The following WDR37 variants were observed in gnomAD, a reference collection of about 807,000 sequenced individuals.
WDR37 encodes WD repeat-containing protein 37.
A neutral mutation model predicts 62.9 loss-of-function variants in WDR37; 19 were observed. The ratio of observed to expected loss-of-function variants is 0.30; its 90% CI spans 0.21 to 0.44. The LOEUF is 0.44. WDR37 is among the 20% of genes least tolerant of loss of function. WDR37 has a pLI of 1.00. For synonymous variants in WDR37, 250 were observed against 260.9 expected (o/e 0.96, Z 0.40); for missense variants, 474 against 657.6 (o/e 0.72, Z 3.05).
At chr10:1,089,179 C>G (rs1834300049) in intron 7 of WDR37, among the ~76,000 whole-genome samples, 1 of 152,068 alleles carries the variant, frequency 6.6e-6, no homozygotes, top group South Asian at 2.1e-4. Flanking sequence ...GGTGTCCGCC[C>G]TCATGCCCAG....
intron 11 of WDR37, among the ~76,000 whole-genome samples, chr10:1,111,687 A>T (rs530092279): frequency 6.6e-6 from 1 of 152,272 alleles, no homozygotes; most frequent in South Asian, 2.1e-4. Flanking sequence ...TTTTACCATG[A>T]TAGTACTTAG....
At chr10:1,107,747 C>T (rs1313306176) in intron 11 of WDR37, among the ~76,000 whole-genome samples, 1 of 151,030 alleles carries the variant, frequency 6.6e-6, no homozygotes, top group African/African-American at 2.4e-5. Context: ...ACACCACTGT[C>T]TGTAACACAC....
chr10:1,120,977 G>T (rs572661458), intron 11 of WDR37, among the ~76,000 whole-genome samples: 46 of 152,328 alleles, frequency 3.0e-4, no homozygotes, highest in African/African-American at 1.1e-3. Flanking sequence ...CGGCGAGGAG[G>T]TGCTGCACTG....
chr10:1,072,103 T>G lies in WDR37; in HGVS notation c.-40-13T>G. The G allele has an allele frequency of 6.3e-7, 1 of 1,587,884 alleles. No individual in the cohort carries two copies. Among genetic ancestry groups the G allele is most frequent in the Non-Finnish European group, 8.6e-7 (1 of 1,167,404 alleles). ...GCTGTATCAGAAACACTGTTTTTTC[T>G]TGCTGTTTTTAGCTTATTGCAGGAG... On this transcript the variant is annotated splice_polypyrimidine_tract_variant and intron_variant, in intron 1 of 13. Transcript: ENST00000263150.
chr10:1,126,134 A>T (rs557731568), intron 13 of WDR37, among the ~76,000 whole-genome samples: 3 of 152,138 alleles, frequency 2.0e-5, no homozygotes, highest in Non-Finnish European at 4.4e-5. Context: ...GGCTGGTCGC[A>T]GTGGCTGACG....
At chr10:1,107,317 G>A (rs1011869721) in intron 11 of WDR37, among the ~76,000 whole-genome samples, 19 of 174 alleles carry the variant, frequency 0.11, no homozygotes, top group Non-Finnish European at 0.17. Flanking sequence ...GGGGCAGAGG[G>A]GCCCGCATGA....
intron 5 of WDR37, among the ~76,000 whole-genome samples, chr10:1,082,119 C>A (rs1303368302): frequency 6.6e-6 from 1 of 152,198 alleles, no homozygotes; most frequent in Non-Finnish European, 1.5e-5. Flanking sequence ...TATAAGACAT[C>A]TGAAGATTGA....
intron 11 of WDR37, among the ~76,000 whole-genome samples, chr10:1,109,451 G>A (rs1835140145): frequency 6.6e-6 from 1 of 152,226 alleles, no homozygotes; most frequent in Non-Finnish European, 1.5e-5. Flanking sequence ...CTTAGGCTGG[G>A]CGCGGTGGCT....
chr10:1,080,229 G>T, intron 4 of WDR37, 123 bp downstream of exon 4: 1 of 1,284,890 alleles, frequency 7.8e-7, no homozygotes, highest in Non-Finnish European at 1.1e-6. Context: ...TCTAATTCAG[G>T]TGTGGGTCTA....
At chr10:1,110,379 A>C (rs1019737865) in intron 11 of WDR37, among the ~76,000 whole-genome samples, 1 of 152,206 alleles carries the variant, frequency 6.6e-6, no homozygotes, top group Non-Finnish European at 1.5e-5. Context: ...TCATTTTACA[A>C]AAATGTTTCA....
Position 1,130,725 on chromosome 10 carries a change from G to T in WDR37, c.*1381G>T, listed in dbSNP as rs769468748. On this transcript the variant is annotated 3_prime_UTR_variant, in exon 14 of 14. Transcript: ENST00000263150. ...TCCCCAGGTCTTTGTGTTTTGCCCT[G>T]TTTTACGGTGAGGTAGGAGGGAACC... is the stretch of plus-strand genomic sequence containing the variant. 6.6e-6 allele frequency: 1 copy of T among 152,228 alleles called. No individual in the cohort carries two copies. The highest frequency in any genetic ancestry group is 1.5e-5 in the Non-Finnish European group (1 of 68,068). The allele number at this position is 152,228 out of a possible 1,614,324, so 9.4% of individuals were successfully genotyped here.
At chr10:1,075,354 C>T (rs1460661566) in intron 2 of WDR37, among the ~76,000 whole-genome samples, 2 of 149,248 alleles carry the variant, frequency 1.3e-5, no homozygotes, top group Non-Finnish European at 3.0e-5. Flanking sequence ...CGTAGGTATA[C>T]ATGTGCCAAG....
At chr10:1,100,678 G>A (rs1304209744) in intron 9 of WDR37, among the ~76,000 whole-genome samples, 2 of 152,226 alleles carry the variant, frequency 1.3e-5, no homozygotes, top group Non-Finnish European at 2.9e-5. Context: ...ACTGTCACAT[G>A]TGAGTTAGGT....
At chr10:1,062,022 G>A (rs910506653) in intron 1 of WDR37, among the ~76,000 whole-genome samples, 1 of 151,218 alleles carries the variant, frequency 6.6e-6, no homozygotes, top group Non-Finnish European at 1.5e-5. Context: ...TTTTTTGGGG[G>A]GGCCAAGGAC....
chr10:1,107,082 G>A (rs2131666612), intron 11 of WDR37, among the ~76,000 whole-genome samples: 1 of 152,376 alleles, frequency 6.6e-6, no homozygotes, highest in Non-Finnish European at 1.5e-5. Flanking sequence ...TGCTGCATCA[G>A]GGTGCAGCAG....
chr10:1,083,921 C>T (rs946727041), intron 5 of WDR37, among the ~76,000 whole-genome samples: 7 of 152,174 alleles, frequency 4.6e-5, no homozygotes, highest in African/African-American at 7.2e-5. Context: ...CTTGATGATA[C>T]GTGGTTGGTG....
chr10:1,129,471 T>C lies in WDR37; in HGVS notation c.*127T>C. 1 of 1,356,412 alleles carries C rather than the reference T, an allele frequency of 7.4e-7. No individual in the cohort carries two copies. Among genetic ancestry groups the C allele is most frequent in the East Asian group, 2.4e-5 (1 of 42,376 alleles). The allele number at this position is 1,356,412 out of a possible 1,614,324, so 84.0% of individuals were successfully genotyped here. A position where few individuals can be genotyped will look rare whatever the true frequency, so the allele number is the denominator to read the frequency against. The stretch of plus-strand genomic sequence containing the variant: ...TGGAAAGGGTGCTTTGTATATGTTC[T>C]TTTCACATAGTGCCCAGCTTGCATG... On this transcript the variant is annotated 3_prime_UTR_variant, in exon 14 of 14. Transcript: ENST00000263150.
chr10:1,129,300 A>G lies in WDR37; in HGVS notation c.1441A>G (p.Ile481Val), dbSNP rs376312083. Residue 481 changes from isoleucine (I) to valine (V), a missense_variant, in exon 14 of 14, where the codon ATT becomes GTT. Physicochemically the swap from Ile to Val is conservative, Grantham distance 29. Transcript: ENST00000263150. ...LFTCGFDRQA[I>V]GWNINIPALL... ...CACCTGTGGGTTTGACCGGCAAGCC[A>G]TTGGTTGGAACATCAACATCCCTGC... 3.1e-6 allele frequency: 5 copies of G among 1,613,946 alleles called. No homozygotes were observed. In the African/African-American group the frequency reaches 5.3e-5, roughly 17 times the overall value.
In WDR37 at chr10:1,132,324, T is replaced by C. The variant is rs1219314118; in HGVS notation, c.*2980T>C. 2.0e-5 allele frequency: 3 copies of C among 152,202 alleles called. No homozygotes were observed. The highest frequency in any genetic ancestry group is 7.2e-5 in the African/African-American group (3 of 41,448). 9.4% of individuals were successfully genotyped at this position (152,202 alleles called of 1,614,324 possible). A position where few individuals can be genotyped will look rare whatever the true frequency, so the allele number is the denominator to read the frequency against. ...AAAATTTTTAGACTTAAAAAGTCAG[T>C]TGTGTTTTGTGTCTGTCTCTTATGC... On this transcript the variant is annotated 3_prime_UTR_variant, in exon 14 of 14. Coordinates refer to ENST00000263150, the MANE Select transcript of WDR37 (RefSeq NM_014023.4).
Sources: gnomAD v4.1 joint callset for allele counts (sites outside exome capture counted in the v4.1 genomes callset) on GRCh38, gnomAD v4.1.1 for gene constraint, MANE v1.5 for transcripts, NCBI Gene and HGNC (gene_info 2026-07-23, HGNC 2026-07-21) for gene names.